The following CPA5 variants were observed in gnomAD, a reference collection of about 807,000 sequenced individuals.
The protein encoded by CPA5 is carboxypeptidase A5.
A neutral mutation model predicts 52.2 loss-of-function variants in CPA5; 38 were observed. The ratio of observed to expected loss-of-function variants is 0.73; its 90% CI spans 0.56 to 0.95. The LOEUF is 0.95. Ranked by LOEUF, CPA5 falls within the 40% of genes least tolerant of loss-of-function variation. CPA5 has a pLI of 0.00. For missense variants in CPA5, 519 were observed against 566.7 expected (o/e 0.92, Z 0.86); for synonymous variants, 198 against 213.7 (o/e 0.93, Z 0.64).
intron 5 of CPA5, among the ~76,000 whole-genome samples, chr7:130,357,322 A>G (rs1795534654): frequency 1.3e-5 from 2 of 152,164 alleles, no homozygotes; most frequent in African/African-American, 4.8e-5. Flanking sequence ...CGGGGGTGGA[A>G]GACTCCACAG....
At chr7:130,364,917 A>G (rs11767377) in intron 10 of CPA5, among the ~76,000 whole-genome samples, 51,357 of 152,056 alleles carry the variant, frequency 0.34, 8,870 homozygotes, top group Admixed American at 0.43. Flanking sequence ...GGGTCCAGTC[A>G]TGACAGAGAT....
chr7:130,351,797 T>C (rs1554404019), intron 5 of CPA5, among the ~76,000 whole-genome samples: 1 of 152,124 alleles, frequency 6.6e-6, no homozygotes, highest in Non-Finnish European at 1.5e-5. Flanking sequence ...ACGGGCCCGA[T>C]TGTCTCCCTG....
At chr7:130,358,322 C>T (rs1472152345) in intron 5 of CPA5, among the ~76,000 whole-genome samples, 1 of 152,014 alleles carries the variant, frequency 6.6e-6, no homozygotes, top group African/African-American at 2.4e-5. Flanking sequence ...TTACTGTTGG[C>T]CTTTAGTTTT....
chr7:130,348,866 GA>G (rs1794942456), intron 4 of CPA5, among the ~76,000 whole-genome samples: 1 of 152,146 alleles, frequency 6.6e-6, no homozygotes. Context: ...GAAAATTCCA[GA>G]AAGAAACAAC....
rs147176992 is a variant in CPA5 at position 130,346,592 on chromosome 7, A to C, written c.107A>C (p.Asn36Thr). ...CTGGCAGCAGCTTTGGGCCAAATGA[A>C]TTTCACAGGGTGAGTGGCTGCTCCA... ...FILAAALGQM[N>T]FTGDQVLRVL... Residue 36 changes from asparagine (N) to threonine (T), a missense_variant, in exon 3 of 13, where the codon AAT (asparagine) becomes ACT (threonine). By Grantham distance (65) the Asn-to-Thr change is moderately conservative (BLOSUM62 0). Coordinates refer to ENST00000474905, the MANE Select transcript of CPA5 (RefSeq NM_080385.5). 6.2e-7 allele frequency: 1 copy of C among 1,613,634 alleles called. No individual in the cohort carries two copies. Among genetic ancestry groups the C allele is most frequent in the East Asian group, 2.2e-5 (1 of 44,860 alleles).
intron 5 of CPA5, among the ~76,000 whole-genome samples, chr7:130,356,895 C>T (rs1034914991): frequency 6.6e-6 from 1 of 152,208 alleles, no homozygotes; most frequent in Admixed American, 6.5e-5. Flanking sequence ...TGCAGCTGCT[C>T]GTCACAGCTG....
chr7:130,374,098 G>A, the CPA5 span, among the ~76,000 whole-genome samples: 1 of 152,084 alleles, frequency 6.6e-6, no homozygotes, highest in Non-Finnish European at 1.5e-5. Flanking sequence ...GACACGGGCC[G>A]GCTGTGCTCT....
chr7:130,354,592 A>T (rs1286606676), intron 5 of CPA5, among the ~76,000 whole-genome samples: 4 of 150,928 alleles, frequency 2.7e-5, no homozygotes, highest in African/African-American at 4.9e-5. Flanking sequence ...TTTTTTTTTT[A>T]AAGTAGAGAC....
At position 130,346,472 on chromosome 7, in the gene CPA5, C is replaced by T. The variant is rs566930313; in HGVS notation, c.-14C>T. The T allele has an allele frequency of 1.9e-6, 3 of 1,597,046 alleles. No individual in the cohort carries two copies. The Admixed American group carries it at 5.0e-5, about 27-fold the overall frequency. ...CCCAAGGAAAGCCCCTGAAGCTCAC[C>T]AGGAGGAAGAAGCATGCAGGGCACC... On this transcript the variant is annotated 5_prime_UTR_variant, in exon 3 of 13. Coordinates refer to ENST00000474905, the MANE Select transcript of CPA5 (RefSeq NM_080385.5).
downstream of CPA5, among the ~76,000 whole-genome samples, chr7:130,371,077 G>A (rs1796290699): frequency 2.0e-5 from 3 of 152,176 alleles, no homozygotes; most frequent in South Asian, 2.1e-4. Context: ...ACATCACCTG[G>A]GAGCTTAGTC....
chr7:130,350,717 T>C (rs782170633), intron 5 of CPA5, among the ~76,000 whole-genome samples: 5 of 152,292 alleles, frequency 3.3e-5, no homozygotes, highest in Non-Finnish European at 7.3e-5. Flanking sequence ...AGGACAAAGG[T>C]AGCCTTCATC....
intron 5 of CPA5, among the ~76,000 whole-genome samples, chr7:130,352,765 C>A (rs191181396): frequency 4.5e-4 from 69 of 151,928 alleles, no homozygotes; most frequent in African/African-American, 1.5e-3. Context: ...GTGGGCCAGG[C>A]AAGAAATTAT....
chr7:130,371,682 C>T (rs10232304), downstream of CPA5, among the ~76,000 whole-genome samples: 2 of 152,170 alleles, frequency 1.3e-5, no homozygotes, highest in South Asian at 2.1e-4. Context: ...CTCAGCCTCC[C>T]GAGTAGCTGG....
the CPA5 span, among the ~76,000 whole-genome samples, chr7:130,374,350 C>A: frequency 6.6e-6 from 1 of 152,144 alleles, no homozygotes; most frequent in Non-Finnish European, 1.5e-5. Context: ...TCTAGGATGT[C>A]CTTAGAGTGG....
chr7:130,354,184 T>A (rs1432607425), intron 5 of CPA5, among the ~76,000 whole-genome samples: 2 of 152,142 alleles, frequency 1.3e-5, no homozygotes, highest in African/African-American at 4.8e-5. Flanking sequence ...AACCTCGAGC[T>A]CCCAAAGTGC....
Position 130,359,611 on chromosome 7 carries a change from A to C in CPA5, c.356A>C (p.Gln119Pro). 6.4e-7 allele frequency: 1 copy of C among 1,571,212 alleles called. No individual in the cohort carries two copies. The highest frequency in any genetic ancestry group is 2.3e-5 in the East Asian group (1 of 43,060). Residue 119 changes from glutamine to proline, a missense_variant, in exon 6 of 13, where the codon CAG (glutamine) becomes CCG (proline). By Grantham distance (76) the Gln-to-Pro change is moderately conservative. Transcript: ENST00000474905. The part of the protein sequence containing the change: ...DIQVLLDEER[Q>P]AMAKSRRLER... ...CAGGTGCTGCTGGATGAGGAAAGAC[A>C]GGCCATGGCGAAATCCCGCCGGCTG...
chr7:130,360,343 T>G (rs1452095034), intron 6 of CPA5, among the ~76,000 whole-genome samples: 1 of 152,246 alleles, frequency 6.6e-6, no homozygotes, highest in Non-Finnish European at 1.5e-5. Flanking sequence ...GCCAGGCACA[T>G]TGGACAGCCA....
Position 130,362,498 on chromosome 7 carries a change from G to A in CPA5, c.595G>A (p.Glu199Lys), listed in dbSNP as rs782791586. The change falls in exon 8 of 13, where the codon GAG (glutamate) becomes AAG (lysine). Residue 199 changes from glutamate to lysine, a missense_variant. Transcript: ENST00000474905. ...IWIDTGIHSR[E>K]WITHATGIWT... ...GATTGACACTGGAATTCACTCCCGG[G>A]AGTGGATCACCCATGCCACCGGCAT... is the stretch of plus-strand genomic sequence containing the variant. The A allele has an allele frequency of 1.9e-6, 3 of 1,613,810 alleles. No homozygotes were observed. Among genetic ancestry groups the A allele is most frequent in the South Asian group, 2.2e-5 (2 of 91,056 alleles).
chr7:130,346,126 G>A (rs944047122), intron 2 of CPA5, among the ~76,000 whole-genome samples: 4 of 152,236 alleles, frequency 2.6e-5, no homozygotes, highest in Admixed American at 1.3e-4. Flanking sequence ...ATGCTGTAGA[G>A]GAGGGAGGAA....
Sources: gnomAD v4.1 joint callset for allele counts (sites outside exome capture counted in the v4.1 genomes callset) on GRCh38, gnomAD v4.1.1 for gene constraint, MANE v1.5 for transcripts, NCBI Gene and HGNC (gene_info 2026-07-23, HGNC 2026-07-21) for gene names.